MAPK10: variants seen among roughly 807,000 people sequenced by gnomAD.
The protein encoded by MAPK10 is mitogen-activated protein kinase 10.
MAPK10 carries 25 observed loss-of-function variants against 59.3 expected under a neutral mutation model. That is an observed-to-expected ratio of 0.42 (90% confidence interval 0.31 to 0.59). The LOEUF is 0.59. Among genes scored for constraint, MAPK10 ranks in the 20% least tolerant of loss-of-function variants. The probability of loss-of-function intolerance (pLI) is 0.15; values close to 1 mark genes in which losing one functional copy is unlikely to be tolerated. For missense variants in MAPK10, 351 were observed against 568.9 expected, an observed-to-expected ratio of 0.62 and a Z score of 3.90; for synonymous variants, 190 against 200.5, an observed-to-expected ratio of 0.95 and a Z score of 0.44.
chr4:86,184,209 C>A (rs1329641165), intron 3 of MAPK10, among the ~76,000 whole-genome samples: 2 of 152,092 alleles, frequency 1.3e-5, no homozygotes, highest in Non-Finnish European at 2.9e-5. Context: ...ACATGAAGTC[C>A]TTGCCCATGC....
intron 1 of MAPK10, among the ~76,000 whole-genome samples, chr4:86,404,519 A>C (rs1299655241): frequency 6.6e-6 from 1 of 152,202 alleles, no homozygotes; most frequent in Non-Finnish European, 1.5e-5. Flanking sequence ...ATTAAGAGTG[A>C]TGCTTTCTTA....
chr4:86,476,037 A>C (rs916139180), intron 1 of MAPK10, among the ~76,000 whole-genome samples: 2 of 152,144 alleles, frequency 1.3e-5, no homozygotes, highest in Non-Finnish European at 2.9e-5. Context: ...CTTATCATAA[A>C]ATGGGCAAAC....
intron 1 of MAPK10, among the ~76,000 whole-genome samples, chr4:86,421,126 A>G (rs1746487515): frequency 1.3e-5 from 2 of 152,098 alleles, no homozygotes; most frequent in Non-Finnish European, 2.9e-5. Flanking sequence ...CTACTTTTGA[A>G]TGACATAATC....
chr4:86,584,085 T>C (rs1762499502), intron 1 of MAPK10, among the ~76,000 whole-genome samples: 1 of 152,174 alleles, frequency 6.6e-6, no homozygotes, highest in African/African-American at 2.4e-5. Flanking sequence ...TGATAATCCA[T>C]ATAAAATAGT....
chr4:86,400,732 T>C (rs1476825027), intron 1 of MAPK10, among the ~76,000 whole-genome samples: 1 of 152,164 alleles, frequency 6.6e-6, no homozygotes, highest in Non-Finnish European at 1.5e-5. Context: ...GGGTTCAATA[T>C]TGGTTTAACT....
chr4:86,243,702 A>C, intron 2 of MAPK10, among the ~76,000 whole-genome samples: 1 of 151,848 alleles, frequency 6.6e-6, no homozygotes, highest in Non-Finnish European at 1.5e-5. Context: ...GTCTTCCTTG[A>C]CCATCCTATT....
rs564166415 is a variant in MAPK10 at position 86,246,013 on chromosome 4, AT to A, written c.-6-51607del. ...TAATGTTTCTTACTTTCCAGACATG[AT>A]TAATAGACAGTTAATCACATGTTTT... On this transcript the variant is annotated intron_variant, in intron 2 of 13. Transcript: ENST00000641462. Among the ~76,000 whole-genome samples, 19 of 152,350 alleles carry A rather than the reference AT, an allele frequency of 1.2e-4. No homozygotes were observed. The East Asian group carries it at 3.3e-3, about 26-fold the overall frequency.
At chr4:86,477,357 C>T (rs1044214787) in intron 1 of MAPK10, among the ~76,000 whole-genome samples, 26 of 151,762 alleles carry the variant, frequency 1.7e-4, no homozygotes, top group African/African-American at 6.3e-4. Flanking sequence ...GGCCAAGACA[C>T]TTTAACTAAA....
intron 2 of MAPK10, among the ~76,000 whole-genome samples, chr4:86,241,880 T>C (rs1434850286): frequency 2.0e-5 from 3 of 152,172 alleles, no homozygotes; most frequent in Admixed American, 6.5e-5. Context: ...GATGGAGAGA[T>C]GTTGCGATCA....
chr4:86,453,543 C>A (rs1198963502), upstream of MAPK10: 1 of 151,884 alleles, frequency 6.6e-6, no homozygotes, highest in Non-Finnish European at 1.5e-5. Flanking sequence ...AGGAACATAA[C>A]TCTATTGACC....
intron 11 of MAPK10, 86 bp downstream of exon 11, chr4:86,064,180 A>C: frequency 6.7e-7 from 1 of 1,499,592 alleles, no homozygotes; most frequent in African/African-American, 1.4e-5. Context: ...TCCATTGTGC[A>C]TTCTTTAGGC....
chr4:86,321,436 G>A (rs1281242858), intron 2 of MAPK10, among the ~76,000 whole-genome samples: 1 of 151,856 alleles, frequency 6.6e-6, no homozygotes, highest in Non-Finnish European at 1.5e-5. Context: ...TTCTTTGTAG[G>A]GACATGGATG....
intron 4 of MAPK10, among the ~76,000 whole-genome samples, chr4:86,145,740 C>G (rs1354518169): frequency 1.3e-5 from 2 of 152,094 alleles, no homozygotes; most frequent in East Asian, 3.9e-4. Flanking sequence ...TCTTCTGTCT[C>G]TCTGTCTCAT....
intron 1 of MAPK10, among the ~76,000 whole-genome samples, chr4:86,484,317 T>A (rs968093075): frequency 1.3e-5 from 2 of 152,250 alleles, no homozygotes; most frequent in Non-Finnish European, 2.9e-5. Flanking sequence ...ATCCTCATTT[T>A]GCAGATAACT....
intron 2 of MAPK10, among the ~76,000 whole-genome samples, chr4:86,339,419 T>C (rs963231254): frequency 7.2e-5 from 11 of 152,202 alleles, no homozygotes; most frequent in Non-Finnish European, 1.6e-4. Context: ...CTTACCTTCT[T>C]TTCTTCTTTA....
chr4:86,193,252 G>A (rs571564068), intron 3 of MAPK10: 2 of 152,542 alleles, frequency 1.3e-5, no homozygotes, highest in Admixed American at 6.5e-5. Context: ...TGAGGAGATA[G>A]TCTGTCCCTT....
At chr4:86,484,968 G>T (rs1251276806) in intron 1 of MAPK10, among the ~76,000 whole-genome samples, 2 of 152,174 alleles carry the variant, frequency 1.3e-5, no homozygotes, top group Non-Finnish European at 2.9e-5. Flanking sequence ...GAGCAGTCAG[G>T]AGTCTGAATT....
intron 1 of MAPK10, among the ~76,000 whole-genome samples, chr4:86,387,633 G>A (rs1158404371): frequency 6.6e-6 from 1 of 152,172 alleles, no homozygotes; most frequent in Non-Finnish European, 1.5e-5. Flanking sequence ...TTCAAAAGAA[G>A]TGAAGGGAAA....
At chr4:86,198,765 G>GA (rs2081972763) in intron 2 of MAPK10, among the ~76,000 whole-genome samples, 1 of 151,400 alleles carries the variant, frequency 6.6e-6, no homozygotes, top group Non-Finnish European at 1.5e-5. Context: ...TAAAATATGT[G>GA]ATAATTAGTA....
Sources: gnomAD v4.1 joint callset for allele counts (sites outside exome capture counted in the v4.1 genomes callset) on GRCh38, gnomAD v4.1.1 for gene constraint, MANE v1.5 for transcripts, NCBI Gene and HGNC (gene_info 2026-07-23, HGNC 2026-07-21) for gene names.